PALM2AKAP2: variants seen among roughly 807,000 people sequenced by gnomAD.
PALM2AKAP2 encodes PALM2-AKAP2 fusion protein.
PALM2AKAP2 carries 37 observed loss-of-function variants against 71.5 expected under a neutral mutation model. That is an observed-to-expected ratio of 0.52 (90% CI 0.40 to 0.68). PALM2AKAP2 has a LOEUF of 0.68. Ranked by LOEUF, PALM2AKAP2 falls within the 30% of genes least tolerant of loss-of-function variation. The pLI is 0.00. For missense variants in PALM2AKAP2, 1,224 were observed against 1,191.8 expected (o/e 1.03, Z -0.40); for synonymous variants, 468 against 478.8 (o/e 0.98, Z 0.29).
chr9:109,761,879 G>T (rs1829059504), intron 1 of PALM2AKAP2, among the ~76,000 whole-genome samples: 1 of 152,132 alleles, frequency 6.6e-6, no homozygotes, highest in Non-Finnish European at 1.5e-5. Context: ...AATCCTTTGG[G>T]TATATACCCA....
intron 1 of PALM2AKAP2, among the ~76,000 whole-genome samples, chr9:109,754,074 T>C (rs147493208): frequency 6.6e-6 from 1 of 152,314 alleles, no homozygotes; most frequent in East Asian, 1.9e-4. Flanking sequence ...TCGCTTACTG[T>C]ACATTAAAAG....
intron 1 of PALM2AKAP2, among the ~76,000 whole-genome samples, chr9:110,100,761 A>G (rs1834978779): frequency 1.3e-5 from 2 of 152,122 alleles, no homozygotes; most frequent in African/African-American, 4.8e-5. Flanking sequence ...AACTACTACA[A>G]TTCCTGGGAT....
chr9:109,846,403 T>C lies in PALM2AKAP2; in HGVS notation c.46-21088T>C, dbSNP rs142614974. ...CAGCCACCCTGGTAAGTGTCCAGCATCATACAAGGAGTCTCTGCCCATTGT... is the reference window on the plus strand; with the variant it reads ...CAGCCACCCTGGTAAGTGTCCAGCACCATACAAGGAGTCTCTGCCCATTGT... On this transcript the variant is annotated intron_variant, in intron 1 of 9. Coordinates refer to the PALM2AKAP2 transcript ENST00000302798. Among the ~76,000 whole-genome samples, 130 of 152,318 alleles carry C rather than the reference T, an allele frequency of 8.5e-4. 1 individual carries two copies. The highest frequency in any genetic ancestry group is 4.2e-3 in the South Asian group (20 of 4,814).
At chr9:109,807,749 T>A (rs576863365) in intron 1 of PALM2AKAP2, among the ~76,000 whole-genome samples, 1 of 152,320 alleles carries the variant, frequency 6.6e-6, no homozygotes, top group African/African-American at 2.4e-5. Context: ...ATGGTTTAGC[T>A]ATGTCCCGAC....
intron 1 of PALM2AKAP2, among the ~76,000 whole-genome samples, chr9:110,095,510 C>T (rs1241987535): frequency 6.6e-6 from 1 of 152,102 alleles, no homozygotes; most frequent in Non-Finnish European, 1.5e-5. Context: ...CCTTCAGCCA[C>T]TCAGGCTTCT....
chr9:109,835,077 G>A (rs1251536436), intron 1 of PALM2AKAP2, among the ~76,000 whole-genome samples: 3 of 151,898 alleles, frequency 2.0e-5, no homozygotes, highest in Non-Finnish European at 4.4e-5. Flanking sequence ...CTGCTTGGTT[G>A]TGGTTTTTTG....
chr9:109,853,344 T>C, intron 1 of PALM2AKAP2, among the ~76,000 whole-genome samples: 1 of 152,228 alleles, frequency 6.6e-6, no homozygotes, highest in East Asian at 1.9e-4. Context: ...GACAAAACCT[T>C]TGGCATTTCA....
At chr9:109,854,761 A>T (rs371108917) in intron 1 of PALM2AKAP2, among the ~76,000 whole-genome samples, 16 of 65,768 alleles carry the variant, frequency 2.4e-4, no homozygotes, top group Admixed American at 5.1e-4. Context: ...AAAAGAATGT[A>T]TCTTTTTTTT....
At chr9:110,040,027 G>T (rs1389602506) in intron 7 of PALM2AKAP2, among the ~76,000 whole-genome samples, 1 of 151,980 alleles carries the variant, frequency 6.6e-6, no homozygotes, top group Non-Finnish European at 1.5e-5. Context: ...TACAAAGAAA[G>T]GAAGTACAAA....
intron 5 of PALM2AKAP2, among the ~76,000 whole-genome samples, chr9:109,928,728 G>A (rs1484768272): frequency 6.6e-6 from 1 of 150,596 alleles, no homozygotes; most frequent in Non-Finnish European, 1.5e-5. Context: ...CTGGAGTGCA[G>A]TGGCGTGGTC....
At chr9:109,785,605 G>A (rs1032391994) in intron 1 of PALM2AKAP2, among the ~76,000 whole-genome samples, 1 of 152,292 alleles carries the variant, frequency 6.6e-6, no homozygotes, top group South Asian at 2.1e-4. Flanking sequence ...ATCTCACATG[G>A]CAACAGACTG....
intron 1 of PALM2AKAP2, among the ~76,000 whole-genome samples, chr9:109,842,335 C>T (rs750567060): frequency 2.0e-5 from 3 of 152,144 alleles, no homozygotes; most frequent in Non-Finnish European, 4.4e-5. Context: ...CAATCAGCTG[C>T]GTGTTCTGGG....
At chr9:110,151,320 G>C (rs1350937712) in intron 2 of PALM2AKAP2, among the ~76,000 whole-genome samples, 1 of 152,212 alleles carries the variant, frequency 6.6e-6, no homozygotes, top group East Asian at 1.9e-4. Flanking sequence ...TGAAGTGCTG[G>C]GATTACAGGC....
intron 2 of PALM2AKAP2, among the ~76,000 whole-genome samples, chr9:110,148,376 G>A (rs1205546076): frequency 6.6e-6 from 1 of 152,078 alleles, no homozygotes; most frequent in Non-Finnish European, 1.5e-5. Context: ...CCAAGCAGTG[G>A]TATTTCTCAT....
At chr9:110,125,576 G>A (rs1835584805) in intron 1 of PALM2AKAP2, 1 of 985,366 alleles carries the variant, frequency 1.0e-6, no homozygotes, top group African/African-American at 1.7e-5. Flanking sequence ...GAGGAGGTTT[G>A]AGGCGCGCGC....
chr9:110,112,815 C>T (rs1335370108), intron 1 of PALM2AKAP2, among the ~76,000 whole-genome samples: 1 of 152,226 alleles, frequency 6.6e-6, no homozygotes, highest in African/African-American at 2.4e-5. Flanking sequence ...ACCTTGGTTT[C>T]CTGATATGTA....
At chr9:109,678,461 A>G (rs1412393422) in intron 1 of PALM2AKAP2, among the ~76,000 whole-genome samples, 1 of 152,252 alleles carries the variant, frequency 6.6e-6, no homozygotes, top group Non-Finnish European at 1.5e-5. Flanking sequence ...GGATTTAAAA[A>G]TTGTCTCAAT....
chr9:109,933,479 G>A (rs1564218502), intron 6 of PALM2AKAP2, among the ~76,000 whole-genome samples: 3 of 152,262 alleles, frequency 2.0e-5, no homozygotes, highest in South Asian at 4.2e-4. Context: ...TCAGCTTATG[G>A]GAGGGTAGGG....
chr9:109,853,908 G>T (rs1829086043), intron 1 of PALM2AKAP2, among the ~76,000 whole-genome samples: 1 of 152,118 alleles, frequency 6.6e-6, no homozygotes, highest in Non-Finnish European at 1.5e-5. Context: ...TTTAACTGGA[G>T]CTTCCTACTG....
Sources: allele counts gnomAD v4.1 joint callset (sites outside exome capture counted in the v4.1 genomes callset), GRCh38; gene constraint gnomAD v4.1.1; transcripts MANE v1.5; gene names NCBI Gene and HGNC (gene_info 2026-07-23, HGNC 2026-07-21).